The following SPRY3 variants were observed in gnomAD, a reference collection of about 807,000 sequenced individuals.
SPRY3 encodes the protein sprouty RTK signaling antagonist 3, also known as protein sprouty homolog 3.
A neutral mutation model predicts 20.2 loss-of-function variants in SPRY3; 15 were observed. That is an observed-to-expected ratio of 0.74 (90% CI 0.50 to 1.14). The LOEUF (loss-of-function observed/expected upper bound fraction) is 1.14, where lower values mean the gene tolerates loss of function less well. Ranked by LOEUF, SPRY3 falls within the 50% of genes most tolerant of loss-of-function variation. The pLI is 0.00. For missense variants in SPRY3, 364 were observed against 363.9 expected (o/e 1.00, Z 0.00); for synonymous variants, 143 against 136.5 (o/e 1.05, Z -0.33).
intron 2 of SPRY3, among the ~76,000 whole-genome samples, chrX:155,765,303 CAGCCTGAGTT>C (rs914444527): frequency 5.8e-4 from 83 of 142,800 alleles, no homozygotes; most frequent in African/African-American, 2.1e-3. Context: ...CAGCCTGAGT[CAGCCTGAGTT>C]AAAATCCTAG....
intron 2 of SPRY3, among the ~76,000 whole-genome samples, chrX:155,758,606 A>T (rs1841707489): frequency 6.6e-6 from 1 of 152,212 alleles, no homozygotes; most frequent in African/African-American, 2.4e-5. Flanking sequence ...TAGAATATGG[A>T]TAGAGCTGGC....
At chrX:155,743,939 T>C (rs2091214455) in intron 2 of SPRY3, among the ~76,000 whole-genome samples, 1 of 152,094 alleles carries the variant, frequency 6.6e-6, no homozygotes, top group East Asian at 1.9e-4. Flanking sequence ...AAGAGATAAA[T>C]GTGTTTTCAT....
intron 2 of SPRY3, among the ~76,000 whole-genome samples, chrX:155,711,688 A>ATT (rs4047354): frequency 0.014 from 2,022 of 146,242 alleles, 4 homozygotes; most frequent in Admixed American, 0.05. Flanking sequence ...TCTTTTTACT[A>ATT]TTTTTTTTTT....
At chrX:155,770,249 G>A (rs1451728673) in intron 3 of SPRY3, among the ~76,000 whole-genome samples, 6 of 152,086 alleles carry the variant, frequency 3.9e-5, no homozygotes, top group East Asian at 3.8e-4. Context: ...ACTGTCTTGC[G>A]GTGTTAGCAT....
intron 1 of SPRY3, among the ~76,000 whole-genome samples, chrX:155,638,226 G>A (rs782319041): frequency 5.4e-4 from 52 of 96,331 alleles, no homozygotes; most frequent in Non-Finnish European, 1.0e-3. Context: ...AAGCCGAGGC[G>A]GGAGGATTGC....
intron 1 of SPRY3, among the ~76,000 whole-genome samples, chrX:155,655,756 C>T (rs1411317151): frequency 1.8e-5 from 2 of 111,590 alleles, no homozygotes; most frequent in Non-Finnish European, 3.8e-5. Context: ...TTTTTCCTTT[C>T]CATATTTAGT....
At chrX:155,717,261 G>C (rs1185541107) in intron 2 of SPRY3, among the ~76,000 whole-genome samples, 1 of 151,574 alleles carries the variant, frequency 6.6e-6, no homozygotes, top group Non-Finnish European at 1.5e-5. Flanking sequence ...TGTATGGAGA[G>C]CTTAAGTAGC....
chrX:155,725,106 C>T (rs1193158088), intron 2 of SPRY3, among the ~76,000 whole-genome samples: 11 of 152,016 alleles, frequency 7.2e-5, no homozygotes, highest in South Asian at 4.2e-4. Flanking sequence ...GTTCCATTTA[C>T]GTGATGGATT....
At chrX:155,739,696 G>T (rs1331351605) in intron 2 of SPRY3, among the ~76,000 whole-genome samples, 1 of 152,096 alleles carries the variant, frequency 6.6e-6, no homozygotes, top group African/African-American at 2.4e-5. Context: ...GTCTGGAGTG[G>T]ACCCCCAGCA....
chrX:155,669,336 C>A (rs1231469323), intron 2 of SPRY3, among the ~76,000 whole-genome samples: 2 of 110,972 alleles, frequency 1.8e-5, no homozygotes, highest in African/African-American at 6.5e-5. Flanking sequence ...CTTACTAATT[C>A]TCTTATTAGT....
intron 2 of SPRY3, among the ~76,000 whole-genome samples, chrX:155,730,107 A>C (rs2091123588): frequency 6.6e-6 from 1 of 152,124 alleles, no homozygotes; most frequent in Admixed American, 6.6e-5. Context: ...AAATCTAAAA[A>C]ACATTTAAAG....
At chrX:155,708,982 G>A (rs1361081229) in intron 2 of SPRY3, among the ~76,000 whole-genome samples, 2 of 151,388 alleles carry the variant, frequency 1.3e-5, no homozygotes, top group Admixed American at 1.3e-4. Flanking sequence ...TTCCATCCAT[G>A]TTGTTGCAAA....
chrX:155,624,350 T>C (rs1247369453), intron 1 of SPRY3, among the ~76,000 whole-genome samples: 2 of 111,995 alleles, frequency 1.8e-5, no homozygotes, highest in African/African-American at 6.5e-5. Flanking sequence ...TTTAACAAAA[T>C]TGTTATACAA....
At chrX:155,678,598 A>C (rs761459937) in intron 2 of SPRY3, among the ~76,000 whole-genome samples, 2 of 111,709 alleles carry the variant, frequency 1.8e-5, no homozygotes, top group Non-Finnish European at 3.8e-5. Context: ...AGAAGAGGGG[A>C]GGAATAACCA....
chrX:155,682,745 A>AT (rs200842587), intron 2 of SPRY3, among the ~76,000 whole-genome samples: 11,179 of 111,770 alleles, frequency 0.1, 569 homozygotes, highest in Non-Finnish European at 0.15. Context: ...TAAAAAATAC[A>AT]TTTTTTAATG....
chrX:155,763,116 A>C (rs1194151138), intron 2 of SPRY3, among the ~76,000 whole-genome samples: 1 of 92,894 alleles, frequency 1.1e-5, no homozygotes, highest in Non-Finnish European at 2.1e-5. Context: ...CAGGAACAAC[A>C]AAAAAAAACC....
chrX:155,767,774 A>AAGAGGAGGAGGAGGAGAC (rs1569400190), intron 2 of SPRY3, 188 bp from the exon 2 acceptor site: 1 of 88,266 alleles, frequency 1.1e-5, no homozygotes, highest in African/African-American at 4.2e-5. Flanking sequence ...GAGGAGGAGA[A>AAGAGGAGGAGGAGGAGAC]AGAGGAGGAG....
chrX:155,697,500 T>TAAAC (rs1557356186), intron 2 of SPRY3, among the ~76,000 whole-genome samples: 1 of 96,675 alleles, frequency 1.0e-5, no homozygotes, highest in African/African-American at 4.0e-5. Context: ...ATTATACACA[T>TAAAC]ACACACACAC....
intron 1 of SPRY3, among the ~76,000 whole-genome samples, chrX:155,626,009 T>C (rs1050201898): frequency 9.0e-6 from 1 of 111,678 alleles, no homozygotes; most frequent in African/African-American, 3.2e-5. Flanking sequence ...GTAATTCCAC[T>C]ATGAACATTC....
Sources: gnomAD v4.1 joint callset for allele counts (sites outside exome capture counted in the v4.1 genomes callset) on GRCh38, gnomAD v4.1.1 for gene constraint, MANE v1.5 for transcripts, NCBI Gene and HGNC (gene_info 2026-07-23, HGNC 2026-07-21) for gene names.